COMMD9: variants seen among roughly 807,000 people sequenced by gnomAD.
COMMD9 encodes COMM domain-containing protein 9.
COMMD9 carries 22 observed loss-of-function variants against 23.4 expected under a neutral mutation model. The observed-to-expected ratio is 0.94, with a 90% CI of 0.67 to 1.34. The LOEUF is 1.34. Ranked by LOEUF, COMMD9 falls within the 40% of genes most tolerant of loss-of-function variation. COMMD9 has a pLI of 0.00. For missense variants in COMMD9, 231 were observed against 240.2 expected (o/e 0.96, Z 0.25); for synonymous variants, 99 against 97.4 (o/e 1.02, Z -0.10).
Position 36,289,359 on chromosome 11 carries a change from T to C in COMMD9, c.51+3A>G, listed in dbSNP as rs1177445573. 3 of 1,551,438 alleles carry C rather than the reference T, an allele frequency of 1.9e-6. No homozygotes were observed. The highest frequency in any genetic ancestry group is 2.6e-6 in the Non-Finnish European group (3 of 1,146,892). Reference sequence around the variant, plus strand: ...TCACGCTGTCCCCACCCCTTCGACTTACCTTGAGCAGGCTCTGGAGTGCTG... The same window carrying C: ...TCACGCTGTCCCCACCCCTTCGACTCACCTTGAGCAGGCTCTGGAGTGCTG... On this transcript the variant is annotated splice_donor_region_variant and intron_variant, in intron 1 of 5. Transcript: ENST00000263401.
At chr11:36,288,973 G>C (rs1856219990) in intron 1 of COMMD9, among the ~76,000 whole-genome samples, 2 of 152,074 alleles carry the variant, frequency 1.3e-5, no homozygotes, top group South Asian at 4.1e-4. Flanking sequence ...CATTCGGAGG[G>C]CTGGGCAGAC....
Position 36,272,901 on chromosome 11 carries a change from T to C in COMMD9, c.*1731A>G, listed in dbSNP as rs893736352. ...ACTCAATCTCAATGAGCTGGTTTCC[T>C]GGTCAATAAAGGGAGGATGATAATA... On this transcript the variant is annotated 3_prime_UTR_variant, in exon 6 of 6. Transcript: ENST00000263401. 6 of 152,204 alleles carry C rather than the reference T, an allele frequency of 3.9e-5. No homozygotes were observed. Among genetic ancestry groups the C allele is most frequent in the Non-Finnish European group, 8.8e-5 (6 of 68,022 alleles). The allele number at this position is 152,204 out of a possible 1,614,324, so 9.4% of individuals were successfully genotyped here.
chr11:36,286,410 A>AAAAAAAAAAAAAGAAAG (rs1285648187), intron 1 of COMMD9, among the ~76,000 whole-genome samples: 1 of 104,822 alleles, frequency 9.5e-6, no homozygotes, highest in African/African-American at 3.9e-5. Context: ...AAAAAAAAAA[A>AAAAAAAAAAAAAGAAAG]AAAGAAAGAA....
chr11:36,281,529 G>A (rs931219598), intron 1 of COMMD9, among the ~76,000 whole-genome samples: 3 of 152,158 alleles, frequency 2.0e-5, no homozygotes, highest in African/African-American at 4.8e-5. Flanking sequence ...TGGAGACCAC[G>A]TGGAGTCAGA....
chr11:36,278,821 G>T (rs12801891), intron 2 of COMMD9, among the ~76,000 whole-genome samples: 22,442 of 152,262 alleles, frequency 0.15, 1,804 homozygotes, highest in Admixed American at 0.24. Flanking sequence ...TGCTTTAGAA[G>T]ACAGATGCAG....
intron 1 of COMMD9, among the ~76,000 whole-genome samples, chr11:36,283,284 AAAC>A (rs1328150740): frequency 6.6e-6 from 1 of 152,224 alleles, no homozygotes; most frequent in Admixed American, 6.5e-5. Flanking sequence ...AGAACAGGGC[AAAC>A]AAAAACATGG....
chr11:36,286,431 AAAGAAAAG>A (rs2133435644), intron 1 of COMMD9, among the ~76,000 whole-genome samples: 2 of 95,166 alleles, frequency 2.1e-5, no homozygotes, highest in Admixed American at 1.1e-4. Flanking sequence ...AGAAAGAAAG[AAAGAAAAG>A]AAAAAAAAAA....
At chr11:36,288,194 T>G (rs559643806) in intron 1 of COMMD9, among the ~76,000 whole-genome samples, 128 of 152,220 alleles carry the variant, frequency 8.4e-4, no homozygotes, top group African/African-American at 2.9e-3. Flanking sequence ...CATTAACACT[T>G]GTGAACAAAA....
rs1210690884 is a variant in COMMD9, at chr11:36,272,396, T to A, written c.*2236A>T. The A allele has an allele frequency of 1.3e-5, 2 of 152,734 alleles. No homozygotes were observed. The highest frequency in any genetic ancestry group is 2.9e-5 in the Non-Finnish European group (2 of 68,452). The allele number at this position is 152,734 out of a possible 1,614,324, so 9.5% of individuals were successfully genotyped here. A position where few individuals can be genotyped will look rare whatever the true frequency, so the allele number is the denominator to read the frequency against. On this transcript the variant is annotated 3_prime_UTR_variant, in exon 6 of 6. Coordinates refer to ENST00000263401, the MANE Select transcript of COMMD9 (RefSeq NM_014186.4). ...CGGACAGATCTGGCTAGAGGAAATG[T>A]CCAACTGCCCAGACACCTATACTGG... is the stretch of plus-strand genomic sequence containing the variant.
chr11:36,274,664 G>A lies in COMMD9; in HGVS notation c.565C>T (p.Arg189Ter), dbSNP rs146821553. ...DTMLDGLGRI[R>*]DQLSAVASK ...CTGGCCACGGCAGAGAGTTGGTCTC[G>A]GATGCGGCCCAGGCCATCTAACATG... The change falls in exon 6 of 6, where the codon CGA (arginine) becomes TGA (stop). Residue 189 changes from arginine to a stop codon, truncating the protein, a stop_gained. Transcript: ENST00000263401. LOFTEE classifies it high-confidence loss of function. 3.7e-6 allele frequency: 6 copies of A among 1,614,268 alleles called. No homozygotes were observed. The highest frequency in any genetic ancestry group is 1.6e-4 in the Middle Eastern group (1 of 6,062).
chr11:36,280,818 AC>A lies in COMMD9; in HGVS notation c.70del (p.Val24SerfsTer16). On this transcript the variant is annotated frameshift_variant, in exon 2 of 6. Coordinates refer to ENST00000263401, the MANE Select transcript of COMMD9 (RefSeq NM_014186.4). LOFTEE classifies it high-confidence loss of function. Reference sequence around the variant, plus strand: ...AAAGCTTTCTTGACACAGCTGTCTGACAACATCTTTCGAGGAGGCCTATGAA... The same window carrying A: ...AAAGCTTTCTTGACACAGCTGTCTGAAACATCTTTCGAGGAGGCCTATGAA... The part of the protein sequence containing the change: ...SLLKASSKDV[V>X]RQLCQESFSS... 1 of 1,594,286 alleles carries A rather than the reference AC, an allele frequency of 6.3e-7. No homozygotes were observed. Among genetic ancestry groups the A allele is most frequent in the Non-Finnish European group, 8.5e-7 (1 of 1,170,188 alleles).
chr11:36,274,811 CT>C, intron 5 of COMMD9, 39 bp from the exon 6 acceptor site: 1 of 1,611,896 alleles, frequency 6.2e-7, no homozygotes. Context: ...AAAGCTGCCT[CT>C]TTTCCCATAT....
intron 3 of COMMD9, 29 bp from the exon 4 acceptor site, chr11:36,277,152 A>G: frequency 6.4e-7 from 1 of 1,565,046 alleles, no homozygotes; most frequent in Non-Finnish European, 8.7e-7. Flanking sequence ...TGAGGAAAAA[A>G]TAATGGAAAG....
intron 3 of COMMD9, chr11:36,278,246 A>G (rs1856007225): frequency 4.5e-6 from 2 of 442,516 alleles, no homozygotes; most frequent in Non-Finnish European, 8.0e-6. Context: ...CAAAACATCA[A>G]CCTCTTACAG....
chr11:36,289,301 C>G, intron 1 of COMMD9, 61 bp downstream of exon 1: 1 of 1,499,016 alleles, frequency 6.7e-7, no homozygotes, highest in Non-Finnish European at 9.0e-7. Context: ...CCAATTCCTG[C>G]TCCGTCTAAA....
intron 1 of COMMD9, 22 bp from the exon 2 acceptor site, chr11:36,280,859 G>T: frequency 6.6e-7 from 1 of 1,508,548 alleles, no homozygotes; most frequent in Admixed American, 2.2e-5. Context: ...ATCACAGATA[G>T]GAAAAAAAAA....
rs753932655 is a variant in COMMD9 at position 36,273,551 on chromosome 11, G to C, written c.*1081C>G. ...GACTGGAGTGCAGTGGCACGATCTCGGCTCACTGCAAGCTCTGCCTCCCAG... is the reference window on the plus strand; with the variant it reads ...GACTGGAGTGCAGTGGCACGATCTCCGCTCACTGCAAGCTCTGCCTCCCAG... On this transcript the variant is annotated 3_prime_UTR_variant, in exon 6 of 6. Transcript: ENST00000263401. The C allele has an allele frequency of 2.6e-5, 4 of 152,064 alleles. No homozygotes were observed. The highest frequency in any genetic ancestry group is 5.9e-5 in the Non-Finnish European group (4 of 68,060). 9.4% of individuals were successfully genotyped at this position (152,064 alleles called of 1,614,324 possible). A position where few individuals can be genotyped will look rare whatever the true frequency, so the allele number is the denominator to read the frequency against.
Position 36,272,792 on chromosome 11 carries a change from T to C in COMMD9, c.*1840A>G, listed in dbSNP as rs1855900316. The stretch of plus-strand genomic sequence containing the variant: ...AAATGGCGCTAGTCACAGAATTATA[T>C]GTTCCTTGCAAAGTCCTGTGTTGTA... On this transcript the variant is annotated 3_prime_UTR_variant, in exon 6 of 6. Transcript: ENST00000263401. The C allele has an allele frequency of 6.6e-6, 1 of 152,224 alleles. No homozygotes were observed. Among genetic ancestry groups the C allele is most frequent in the Admixed American group, 6.5e-5 (1 of 15,288 alleles). The allele number at this position is 152,224 out of a possible 1,614,324, so 9.4% of individuals were successfully genotyped here. A position where few individuals can be genotyped will look rare whatever the true frequency, so the allele number is the denominator to read the frequency against.
chr11:36,289,405 G>C lies in COMMD9; in HGVS notation c.8C>G (p.Ala3Gly), dbSNP rs1389593080. 1 of 1,551,976 alleles carries C rather than the reference G, an allele frequency of 6.4e-7. No individual in the cohort carries two copies. The highest frequency in any genetic ancestry group is 1.7e-4 in the Middle Eastern group (1 of 5,976). MA[A>G]LTAEHFAALQ... ...TGCTGCAAAATGCTCCGCTGTCAGG[G>C]CAGCCATCTTGCCGAAGTCACATGA... The change falls in exon 1 of 6, where the codon GCC (alanine) becomes GGC (glycine). Residue 3 changes from alanine (A) to glycine (G), a missense_variant. Physicochemically the swap from Ala to Gly is moderately conservative, Grantham distance 60. Transcript: ENST00000263401.
Sources: allele counts gnomAD v4.1 joint callset (sites outside exome capture counted in the v4.1 genomes callset), GRCh38; gene constraint gnomAD v4.1.1; transcripts MANE v1.5; gene names NCBI Gene and HGNC (gene_info 2026-07-23, HGNC 2026-07-21).